Variants in ELOVL4 observed in about 807,000 individuals in gnomAD.
ELOVL4 encodes the protein ELOVL fatty acid elongase 4.
A neutral mutation model predicts 42.1 loss-of-function variants in ELOVL4; 18 were observed. That is an observed-to-expected ratio of 0.43 (90% confidence interval 0.30 to 0.63). The LOEUF is 0.63. Ranked by LOEUF, ELOVL4 falls within the 30% of genes least tolerant of loss-of-function variation. The pLI is 0.15. For missense variants in ELOVL4, 299 were observed against 376.2 expected (o/e 0.79, Z 1.70); for synonymous variants, 117 against 127.0 (o/e 0.92, Z 0.53).
Position 79,916,576 on chromosome 6 carries a change from C to T in ELOVL4, c.*32G>A, listed in dbSNP as rs371941167. ...TTTATATGATATGGGAGTTTTTCCT[C>T]ACTGTCAACAACAGTTAAGGCCCAG... On this transcript the variant is annotated 3_prime_UTR_variant, in exon 6 of 6. Coordinates refer to ENST00000369816, the MANE Select transcript of ELOVL4 (RefSeq NM_022726.4). 6.2e-7 allele frequency: 1 copy of T among 1,612,118 alleles called. No individual in the cohort carries two copies. Among genetic ancestry groups the T allele is most frequent in the African/African-American group, 1.3e-5 (1 of 74,878 alleles).
intron 1 of ELOVL4, among the ~76,000 whole-genome samples, chr6:79,940,791 T>C (rs1486114337): frequency 6.6e-6 from 1 of 152,174 alleles, no homozygotes; most frequent in African/African-American, 2.4e-5. Context: ...ATAAATGTAA[T>C]ATATAATTGA....
At chr6:79,942,341 T>C (rs953176234) in intron 1 of ELOVL4, among the ~76,000 whole-genome samples, 1 of 152,038 alleles carries the variant, frequency 6.6e-6, no homozygotes, top group African/African-American at 2.4e-5. Flanking sequence ...AATAAAACAA[T>C]AGTACCTTCG....
At position 79,915,361 on chromosome 6, in the gene ELOVL4, T is replaced by A. The variant is rs532730009; in HGVS notation, c.*1247A>T. 1 of 152,654 alleles carries A rather than the reference T, an allele frequency of 6.6e-6. No homozygotes were observed. Among genetic ancestry groups the A allele is most frequent in the Non-Finnish European group, 1.5e-5 (1 of 68,010 alleles). The allele number at this position is 152,654 out of a possible 1,614,324, so 9.5% of individuals were successfully genotyped here. On this transcript the variant is annotated 3_prime_UTR_variant, in exon 6 of 6. Transcript: ENST00000369816. ...CTCTCACTTTTATTCATTTTGTGTT[T>A]TAACAACACCTTGTAACATCAAGCA...
chr6:79,920,286 G>A (rs1774231750), intron 4 of ELOVL4, among the ~76,000 whole-genome samples: 1 of 152,138 alleles, frequency 6.6e-6, no homozygotes, highest in African/African-American at 2.4e-5. Flanking sequence ...TTGTACCCTG[G>A]ATCCTCCTCA....
rs780506129 is a variant in ELOVL4, at chr6:79,947,320, AC to A, written c.-42del. ...GCGCTGGCGGCAGGAGAAAGCGGAG[AC>A]CCAGAGAGAGGGCTGACCCCGGAGG... On this transcript the variant is annotated 5_prime_UTR_variant, in exon 1 of 6. Transcript: ENST00000369816. The A allele has an allele frequency of 1.3e-6, 2 of 1,517,214 alleles. No homozygotes were observed. The highest frequency in any genetic ancestry group is 1.7e-5 in the Admixed American group (1 of 58,020). The allele number at this position is 1,517,214 out of a possible 1,614,324, so 94.0% of individuals were successfully genotyped here. A position where few individuals can be genotyped will look rare whatever the true frequency, so the allele number is the denominator to read the frequency against.
chr6:79,932,169 G>GT (rs1207227423), intron 1 of ELOVL4, among the ~76,000 whole-genome samples: 1 of 152,308 alleles, frequency 6.6e-6, no homozygotes, highest in Admixed American at 6.5e-5. Flanking sequence ...TAATAATTAT[G>GT]TAACTATGTG....
At chr6:79,928,719 G>A (rs1015765650) in intron 1 of ELOVL4, among the ~76,000 whole-genome samples, 3 of 142,578 alleles carry the variant, frequency 2.1e-5, no homozygotes, top group African/African-American at 8.1e-5. Context: ...AAGTAGACTG[G>A]TGACTGGGTT....
In ELOVL4 at chr6:79,915,392, T is replaced by C. The variant is rs1774139545; in HGVS notation, c.*1216A>G. The C allele has an allele frequency of 6.6e-6, 1 of 152,616 alleles. No individual in the cohort carries two copies. The highest frequency in any genetic ancestry group is 2.4e-5 in the African/African-American group (1 of 41,462). 9.5% of individuals were successfully genotyped at this position (152,616 alleles called of 1,614,324 possible). A position where few individuals can be genotyped will look rare whatever the true frequency, so the allele number is the denominator to read the frequency against. On this transcript the variant is annotated 3_prime_UTR_variant, in exon 6 of 6. Coordinates refer to ENST00000369816, the MANE Select transcript of ELOVL4 (RefSeq NM_022726.4). ...ACACCTTGTAACATCAAGCATTGAA[T>C]TTAACAATCTTTAGCACCAAGGAGT...
At chr6:79,932,495 G>C (rs1189693167) in intron 1 of ELOVL4, among the ~76,000 whole-genome samples, 1 of 151,130 alleles carries the variant, frequency 6.6e-6, no homozygotes, top group Non-Finnish European at 1.5e-5. Flanking sequence ...GAGTGAACTG[G>C]AATCACGCAC....
chr6:79,932,465 A>C (rs2127700617), intron 1 of ELOVL4, among the ~76,000 whole-genome samples: 1 of 152,048 alleles, frequency 6.6e-6, no homozygotes, highest in African/African-American at 2.4e-5. Flanking sequence ...GAATTGCTTG[A>C]ATCCGGGAGG....
In ELOVL4 at chr6:79,916,611, A is replaced by C. The variant is rs763447580; in HGVS notation, c.942T>G (p.Asp314Glu). The change falls in exon 6 of 6, where the codon GAT becomes GAG. Residue 314 changes from aspartate (D) to glutamate (E), a missense_variant. By Grantham distance (45) the Asp-to-Glu change is conservative. Coordinates refer to ENST00000369816, the MANE Select transcript of ELOVL4 (RefSeq NM_022726.4). ...AACAGTTAAGGCCCAGTTCAATTTAATCTCCTTTTGCTTTTCCATTTTTCT... is the reference window on the plus strand; with the variant it reads ...AACAGTTAAGGCCCAGTTCAATTTACTCTCCTTTTGCTTTTCCATTTTTCT... ...KKQKNGKAKG[D>E] The C allele has an allele frequency of 5.0e-6, 8 of 1,613,740 alleles. No homozygotes were observed. The highest frequency in any genetic ancestry group is 3.3e-5 in the Admixed American group (2 of 60,006).
chr6:79,940,478 T>C (rs758680854), intron 1 of ELOVL4, among the ~76,000 whole-genome samples: 2 of 152,220 alleles, frequency 1.3e-5, no homozygotes, highest in Non-Finnish European at 1.5e-5. Context: ...TACAAAAATC[T>C]TAAGCCATAC....
chr6:79,927,696 T>G (rs895263166), intron 1 of ELOVL4, among the ~76,000 whole-genome samples: 1 of 152,084 alleles, frequency 6.6e-6, no homozygotes, highest in Non-Finnish European at 1.5e-5. Context: ...GCTTGATGAC[T>G]CGAGATATGG....
In ELOVL4 at chr6:79,947,502, C is replaced by CGAGG; in HGVS notation, c.-227_-224dup. On this transcript the variant is annotated 5_prime_UTR_variant, in exon 1 of 6. Coordinates refer to ENST00000369816, the MANE Select transcript of ELOVL4 (RefSeq NM_022726.4). ...GTCGTCAAGGTTCCCGGGAGAAAGA[C>CGAGG]GAGGAGGTGGAGGAGGCCCAGCCGC... is the stretch of plus-strand genomic sequence containing the variant. The CGAGG allele has an allele frequency of 1.7e-6, 1 of 575,196 alleles. No homozygotes were observed. Among genetic ancestry groups the CGAGG allele is most frequent in the Non-Finnish European group, 3.1e-6 (1 of 322,378 alleles). The allele number at this position is 575,196 out of a possible 1,614,324, so 35.6% of individuals were successfully genotyped here.
At chr6:79,919,568 A>G in intron 4 of ELOVL4, 21 bp from the exon 5 acceptor site, 14 of 1,612,398 alleles carry the variant, frequency 8.7e-6, no homozygotes, top group Non-Finnish European at 1.2e-5. Context: ...ACAACAGGTA[A>G]TTACAAGATA....
At chr6:79,926,970 C>A (rs780770252) in intron 1 of ELOVL4, among the ~76,000 whole-genome samples, 5 of 152,140 alleles carry the variant, frequency 3.3e-5, no homozygotes, top group Admixed American at 6.5e-5. Flanking sequence ...ATTTTTCTAA[C>A]TTTTTCATTG....
chr6:79,932,050 ATAGT>A (rs930365925), intron 1 of ELOVL4, among the ~76,000 whole-genome samples: 1 of 152,210 alleles, frequency 6.6e-6, no homozygotes, highest in African/African-American at 2.4e-5. Flanking sequence ...GAGTTAATAA[ATAGT>A]TTGTAATGAA....
intron 1 of ELOVL4, among the ~76,000 whole-genome samples, chr6:79,928,502 G>C (rs1774383033): frequency 6.6e-6 from 1 of 152,040 alleles, no homozygotes; most frequent in Non-Finnish European, 1.5e-5. Flanking sequence ...CATTCTTTTT[G>C]ATGTACAGTG....
chr6:79,946,731 C>T (rs924672581), intron 1 of ELOVL4, among the ~76,000 whole-genome samples: 1 of 152,192 alleles, frequency 6.6e-6, no homozygotes, highest in African/African-American at 2.4e-5. Flanking sequence ...AAGAAACCTC[C>T]TGTACCTTCA....
Sources: gnomAD v4.1 joint callset for allele counts (sites outside exome capture counted in the v4.1 genomes callset) on GRCh38, gnomAD v4.1.1 for gene constraint, MANE v1.5 for transcripts, NCBI Gene and HGNC (gene_info 2026-07-23, HGNC 2026-07-21) for gene names.